The following PIK3CB variants were observed in gnomAD, a reference collection of about 807,000 sequenced individuals.
The protein encoded by PIK3CB is phosphatidylinositol-4,5-bisphosphate 3-kinase catalytic subunit beta.
PIK3CB carries 39 observed loss-of-function variants against 136.8 expected under a neutral mutation model. The ratio of observed to expected loss-of-function variants is 0.29; its 90% confidence interval spans 0.22 to 0.37. PIK3CB has a LOEUF of 0.37. Among genes scored for constraint, PIK3CB ranks in the 10% least tolerant of loss-of-function variants. PIK3CB has a pLI of 1.00. For synonymous variants in PIK3CB, 428 were observed against 436.6 expected, an observed-to-expected ratio of 0.98 and a Z score of 0.25; for missense variants, 868 against 1,275.4, an observed-to-expected ratio of 0.68 and a Z score of 4.87.
At chr3:138,802,779 A>C (rs1246096043) in intron 1 of PIK3CB, among the ~76,000 whole-genome samples, 1 of 152,140 alleles carries the variant, frequency 6.6e-6, no homozygotes, top group Non-Finnish European at 1.5e-5. Flanking sequence ...AGGTTTCTTA[A>C]AACTAAAACC....
intron 19 of PIK3CB, among the ~76,000 whole-genome samples, chr3:138,667,318 G>A (rs1046893957): frequency 1.3e-5 from 2 of 151,496 alleles, no homozygotes; most frequent in African/African-American, 4.9e-5. Flanking sequence ...AGTAAGTGGT[G>A]AAAAGACCAT....
chr3:138,752,586 G>A (rs1195289093), intron 4 of PIK3CB, among the ~76,000 whole-genome samples: 1 of 152,156 alleles, frequency 6.6e-6, no homozygotes, highest in African/African-American at 2.4e-5. Flanking sequence ...GTGCATGCCT[G>A]TAGTCCCAGC....
chr3:138,699,131 G>A (rs774333457), intron 12 of PIK3CB, 36 bp from the exon 13 acceptor site: 3 of 1,095,598 alleles, frequency 2.7e-6, no homozygotes, highest in South Asian at 2.0e-5. Flanking sequence ...GAATTTAATT[G>A]TGCAAACACC....
At chr3:138,791,587 AT>A (rs1162558059) in intron 2 of PIK3CB, among the ~76,000 whole-genome samples, 1 of 152,144 alleles carries the variant, frequency 6.6e-6, no homozygotes, top group Admixed American at 6.6e-5. Context: ...CCTCTACCAC[AT>A]TCACAATGAT....
intron 10 of PIK3CB, among the ~76,000 whole-genome samples, chr3:138,711,284 T>C (rs2044492296): frequency 6.7e-6 from 1 of 149,286 alleles, no homozygotes; most frequent in African/African-American, 2.5e-5. Context: ...ATAAGAAATA[T>C]ATTCAGAAAT....
chr3:138,658,831 CA>C (rs2043236196), intron 21 of PIK3CB, among the ~76,000 whole-genome samples: 1 of 152,156 alleles, frequency 6.6e-6, no homozygotes, highest in East Asian at 1.9e-4. Flanking sequence ...TAATTCTTCC[CA>C]AACTCTCCTT....
rs147212421 is a variant in PIK3CB at position 138,707,995 on chromosome 3, G to T, written c.1400-706C>A. The stretch of plus-strand genomic sequence containing the variant: ...ATTTCACAGATAAGAAACTCATGAT[G>T]AGAAAATAGAGTTAGGTGTACAATC... On this transcript the variant is annotated intron_variant, in intron 10 of 23. Coordinates refer to ENST00000674063, the MANE Select transcript of PIK3CB (RefSeq NM_006219.3). Among the ~76,000 whole-genome samples the T allele has an allele frequency of 3.8e-3, 579 of 152,216 alleles. 5 individuals are homozygous for T. Among genetic ancestry groups the T allele is most frequent in the African/African-American group, 0.013 (556 of 41,542 alleles).
intron 4 of PIK3CB, among the ~76,000 whole-genome samples, chr3:138,743,012 A>G (rs543266377): frequency 3.0e-4 from 45 of 152,316 alleles, no homozygotes; most frequent in African/African-American, 1.1e-3. Context: ...AAAAAATACA[A>G]CTCAAAACCT....
At chr3:138,736,774 T>C (rs1224714531) in intron 6 of PIK3CB, among the ~76,000 whole-genome samples, 1 of 152,186 alleles carries the variant, frequency 6.6e-6, no homozygotes, top group Non-Finnish European at 1.5e-5. Flanking sequence ...GAATGATTAA[T>C]AAAGGCTTTT....
At chr3:138,824,693 C>T (rs1447077579) in intron 1 of PIK3CB, among the ~76,000 whole-genome samples, 5 of 149,332 alleles carry the variant, frequency 3.3e-5, no homozygotes, top group Admixed American at 2.0e-4. Flanking sequence ...AACTCCACTT[C>T]GGAAAAAAAA....
intron 19 of PIK3CB, among the ~76,000 whole-genome samples, chr3:138,678,216 A>C (rs991731652): frequency 6.6e-6 from 1 of 152,070 alleles, no homozygotes; most frequent in Non-Finnish European, 1.5e-5. Context: ...GGTACCCAGG[A>C]GTTTGTGACT....
At position 138,663,808 on chromosome 3, in the gene PIK3CB, G is replaced by T. The variant is rs955678201; in HGVS notation, c.2796+98C>A. 5 of 1,211,530 alleles carry T rather than the reference G, an allele frequency of 4.1e-6. No individual in the cohort carries two copies. The African/African-American group carries it at 6.1e-5, about 15-fold the overall frequency. The allele number at this position is 1,211,530 out of a possible 1,614,324, so 75.0% of individuals were successfully genotyped here. On this transcript the variant is annotated intron_variant, in intron 21 of 23. Transcript: ENST00000674063. ...AGTAAAGACAAAGATATGACACTAA[G>T]AATCACAAAAGAATCTGGCTGAGTT...
intron 6 of PIK3CB, among the ~76,000 whole-genome samples, chr3:138,735,551 G>C (rs778567885): frequency 1.3e-5 from 2 of 152,110 alleles, no homozygotes; most frequent in Non-Finnish European, 2.9e-5. Flanking sequence ...GGATCCCTGA[G>C]ATGGCCCCTT....
intron 14 of PIK3CB, among the ~76,000 whole-genome samples, chr3:138,692,324 A>G (rs1377663515): frequency 6.6e-6 from 1 of 152,230 alleles, no homozygotes. Flanking sequence ...AAATTTCACA[A>G]TAGAAAAACC....
intron 1 of PIK3CB, among the ~76,000 whole-genome samples, chr3:138,832,264 A>C (rs1457697595): frequency 6.6e-6 from 1 of 152,142 alleles, no homozygotes; most frequent in Non-Finnish European, 1.5e-5. Flanking sequence ...TCAAAACCCG[A>C]CTTGATTTTC....
intron 8 of PIK3CB, among the ~76,000 whole-genome samples, chr3:138,727,965 G>A (rs1215908327): frequency 6.6e-6 from 1 of 151,946 alleles, no homozygotes; most frequent in Admixed American, 6.6e-5. Flanking sequence ...TTCAGTGTTA[G>A]CCAGGATGGT....
intron 8 of PIK3CB, among the ~76,000 whole-genome samples, chr3:138,724,445 T>C (rs2044794938): frequency 6.6e-6 from 1 of 152,118 alleles, no homozygotes; most frequent in African/African-American, 2.4e-5. Flanking sequence ...TTATTTAGGG[T>C]TTTTATGGAG....
At position 138,705,191 on chromosome 3, in the gene PIK3CB, A is replaced by AAAAAAAAAAAAAAAAAAAAAAAAAAT. The variant is rs2044350451; in HGVS notation, c.1531-699_1531-698insATTTTTTTTTTTTTTTTTTTTTTTTT. Among the ~76,000 whole-genome samples, 2 of 93,502 alleles carry AAAAAAAAAAAAAAAAAAAAAAAAAAT rather than the reference A, an allele frequency of 2.1e-5. 1 individual carries two copies. Among genetic ancestry groups the AAAAAAAAAAAAAAAAAAAAAAAAAAT allele is most frequent in the Non-Finnish European group, 4.1e-5 (2 of 49,050 alleles). The allele number at this position is 93,502 out of a possible 152,430, so 61.3% of individuals were successfully genotyped here. On this transcript the variant is annotated intron_variant, in intron 11 of 23. Coordinates refer to ENST00000674063, the MANE Select transcript of PIK3CB (RefSeq NM_006219.3). ...AAAAAAAACAAAAAACAAAACAAAC[A>AAAAAAAAAAAAAAAAAAAAAAAAAAT]AAAAAAAAAACTTATATTTGCAAAT...
intron 8 of PIK3CB, among the ~76,000 whole-genome samples, chr3:138,727,027 G>A (rs2044854169): frequency 6.6e-6 from 1 of 152,072 alleles, no homozygotes; most frequent in South Asian, 2.1e-4. Flanking sequence ...TCCAACCTGG[G>A]TGACGGAGCA....
Sources: allele counts gnomAD v4.1 joint callset (sites outside exome capture counted in the v4.1 genomes callset), GRCh38; gene constraint gnomAD v4.1.1; transcripts MANE v1.5; gene names NCBI Gene and HGNC (gene_info 2026-07-23, HGNC 2026-07-21).